Variants in CHST11 observed in about 807,000 individuals in gnomAD.
The protein encoded by CHST11 is C4S-1.
A neutral mutation model predicts 30.4 loss-of-function variants in CHST11; 9 were observed. The ratio of observed to expected loss-of-function variants is 0.30; its 90% CI spans 0.18 to 0.52. CHST11 has a LOEUF of 0.52. CHST11 is among the 20% of genes least tolerant of loss of function. The pLI is 0.97. For synonymous variants in CHST11, 152 were observed against 187.8 expected (o/e 0.81, Z 1.56); for missense variants, 348 against 460.6 (o/e 0.76, Z 2.24).
intron 2 of CHST11, among the ~76,000 whole-genome samples, chr12:104,732,072 C>T (rs577101155): frequency 4.6e-5 from 7 of 152,224 alleles, no homozygotes; most frequent in Non-Finnish European, 2.9e-5. Flanking sequence ...ATGCTCGGTC[C>T]CTCCAGGGAA....
At chr12:104,642,937 A>G (rs984593777) in intron 2 of CHST11, among the ~76,000 whole-genome samples, 5 of 152,206 alleles carry the variant, frequency 3.3e-5, no homozygotes, top group African/African-American at 1.2e-4. Context: ...TTCAACTACT[A>G]ATTACTTTCA....
intron 1 of CHST11, among the ~76,000 whole-genome samples, chr12:104,584,136 CTT>C (rs1413305869): frequency 6.6e-6 from 1 of 152,138 alleles, no homozygotes; most frequent in East Asian, 1.9e-4. Flanking sequence ...ATCTCTAACA[CTT>C]AGAGTTGATT....
chr12:104,485,999 T>G (rs1882494), intron 1 of CHST11, among the ~76,000 whole-genome samples: 50,757 of 152,118 alleles, frequency 0.33, 9,011 homozygotes, highest in African/African-American at 0.43. Context: ...CGTGTGTGTG[T>G]GGGCATGTGT....
intron 1 of CHST11, among the ~76,000 whole-genome samples, chr12:104,511,698 A>G (rs934380786): frequency 2.0e-5 from 3 of 152,228 alleles, no homozygotes; most frequent in African/African-American, 7.2e-5. Flanking sequence ...CAAGTGAATT[A>G]TCTATCCTTG....
At chr12:104,618,656 C>A (rs2039132019) in intron 2 of CHST11, among the ~76,000 whole-genome samples, 1 of 152,100 alleles carries the variant, frequency 6.6e-6, no homozygotes, top group Non-Finnish European at 1.5e-5. Flanking sequence ...AGAGAAGTTT[C>A]TTTTGCCCAG....
intron 1 of CHST11, among the ~76,000 whole-genome samples, chr12:104,502,089 C>T (rs141970570): frequency 1.0e-3 from 157 of 151,830 alleles, no homozygotes; most frequent in South Asian, 4.0e-3. Flanking sequence ...AGTGCAGTGG[C>T]ATGATCATAG....
At chr12:104,670,464 T>G (rs929063654) in intron 2 of CHST11, among the ~76,000 whole-genome samples, 1 of 66,774 alleles carries the variant, frequency 1.5e-5, no homozygotes, top group Non-Finnish European at 2.7e-5. Flanking sequence ...AGTGCATATG[T>G]TCAGACCCAC....
intron 2 of CHST11, among the ~76,000 whole-genome samples, chr12:104,667,724 C>G: frequency 6.6e-6 from 1 of 152,152 alleles, no homozygotes; most frequent in East Asian, 1.9e-4. Context: ...AGTCATGGAC[C>G]TACCTCAGGC....
intron 1 of CHST11, among the ~76,000 whole-genome samples, chr12:104,595,102 C>G (rs149030628): frequency 2.0e-5 from 3 of 152,246 alleles, no homozygotes; most frequent in African/African-American, 4.8e-5. Flanking sequence ...TGATTCCCTC[C>G]TGGGAGAGCT....
intron 1 of CHST11, among the ~76,000 whole-genome samples, chr12:104,524,522 T>C (rs141745030): frequency 6.6e-6 from 1 of 152,246 alleles, no homozygotes; most frequent in Non-Finnish European, 1.5e-5. Context: ...TAAGCATCCT[T>C]CCATCCATCC....
At chr12:104,468,449 G>A (rs2135952545) in intron 1 of CHST11, among the ~76,000 whole-genome samples, 1 of 152,278 alleles carries the variant, frequency 6.6e-6, no homozygotes, top group East Asian at 1.9e-4. Flanking sequence ...GAGAGGAATG[G>A]ATGGAATAAA....
intron 1 of CHST11, among the ~76,000 whole-genome samples, chr12:104,493,888 A>T (rs955932224): frequency 6.6e-6 from 1 of 152,198 alleles, no homozygotes; most frequent in African/African-American, 2.4e-5. Context: ...CAGTGGCACC[A>T]TCTTGGCTCA....
intron 1 of CHST11, among the ~76,000 whole-genome samples, chr12:104,473,062 A>G (rs1223922558): frequency 6.6e-6 from 1 of 152,176 alleles, no homozygotes; most frequent in Non-Finnish European, 1.5e-5. Context: ...GAGCCACAGA[A>G]GGTTTAGTGT....
At chr12:104,483,117 T>G (rs1013363119) in intron 1 of CHST11, among the ~76,000 whole-genome samples, 2 of 152,210 alleles carry the variant, frequency 1.3e-5, no homozygotes, top group Non-Finnish European at 2.9e-5. Flanking sequence ...CATCTTCACA[T>G]GCTCACCCTT....
intron 2 of CHST11, among the ~76,000 whole-genome samples, chr12:104,689,385 C>T (rs973956567): frequency 7.9e-5 from 12 of 152,188 alleles, no homozygotes; most frequent in Admixed American, 2.6e-4. Context: ...AGCAGGCAGA[C>T]GCCTGAGACC....
At chr12:104,695,723 A>G (rs369756364) in intron 2 of CHST11, among the ~76,000 whole-genome samples, 2 of 152,108 alleles carry the variant, frequency 1.3e-5, no homozygotes, top group Non-Finnish European at 2.9e-5. Flanking sequence ...TTTGCCAGAA[A>G]TGGGGGCGGG....
chr12:104,610,510 G>A (rs1055814567), intron 2 of CHST11, among the ~76,000 whole-genome samples: 7 of 152,156 alleles, frequency 4.6e-5, no homozygotes, highest in Non-Finnish European at 1.0e-4. Context: ...GTTTCCACAT[G>A]GTAACACAGC....
intron 1 of CHST11, among the ~76,000 whole-genome samples, chr12:104,462,167 C>CAAAAAAAAAAAAAAAAAAA (rs796356338): frequency 3.2e-4 from 21 of 65,488 alleles, no homozygotes; most frequent in Admixed American, 5.5e-4. Context: ...AACACCATCT[C>CAAAAAAAAAAAAAAAAAAA]AAAAAAAAAA....
At chr12:104,537,651 C>T (rs898202048) in intron 1 of CHST11, among the ~76,000 whole-genome samples, 2 of 150,654 alleles carry the variant, frequency 1.3e-5, no homozygotes, top group African/African-American at 4.9e-5. Flanking sequence ...GAAAATAATA[C>T]AGATAATATA....
Sources: allele counts gnomAD v4.1 joint callset (sites outside exome capture counted in the v4.1 genomes callset), GRCh38; gene constraint gnomAD v4.1.1; transcripts MANE v1.5; gene names NCBI Gene and HGNC (gene_info 2026-07-23, HGNC 2026-07-21).